CSMD1: variants seen among roughly 807,000 people sequenced by gnomAD.
The protein encoded by CSMD1 is CUB and Sushi multiple domains 1.
CSMD1 carries 213 observed loss-of-function variants against 417.5 expected under a neutral mutation model. The observed-to-expected ratio is 0.51, with a 90% CI of 0.46 to 0.57. CSMD1 has a LOEUF of 0.57. Among genes scored for constraint, CSMD1 ranks in the 20% least tolerant of loss-of-function variants. The pLI is 0.00. For missense variants in CSMD1, 6,923 were observed against 4,529.7 expected (o/e 1.53, Z -15.17); for synonymous variants, 2,862 against 1,736.8 (o/e 1.65, Z -16.11).
At chr8:4,818,815 C>T (rs1433388196) in intron 1 of CSMD1, among the ~76,000 whole-genome samples, 2 of 152,146 alleles carry the variant, frequency 1.3e-5, no homozygotes, top group Non-Finnish European at 2.9e-5. Flanking sequence ...TCATTAGAGA[C>T]TCACCATGGA....
intron 12 of CSMD1, among the ~76,000 whole-genome samples, chr8:3,440,743 T>G (rs1814921633): frequency 6.6e-6 from 1 of 152,222 alleles, no homozygotes; most frequent in African/African-American, 2.4e-5. Flanking sequence ...TAACATCCAG[T>G]CTTTCATCAG....
At chr8:3,814,734 G>C (rs899639006) in intron 5 of CSMD1, among the ~76,000 whole-genome samples, 2 of 152,102 alleles carry the variant, frequency 1.3e-5, no homozygotes, top group Non-Finnish European at 2.9e-5. Flanking sequence ...TCTTAACTTA[G>C]GTATGAATCC....
intron 5 of CSMD1, among the ~76,000 whole-genome samples, chr8:3,861,880 T>C (rs1250159624): frequency 6.6e-6 from 1 of 152,166 alleles, no homozygotes; most frequent in Non-Finnish European, 1.5e-5. Flanking sequence ...AAACCCACAG[T>C]GGAAGTCATA....
intron 23 of CSMD1, among the ~76,000 whole-genome samples, chr8:3,313,748 G>A (rs972505941): frequency 6.6e-6 from 1 of 152,132 alleles, no homozygotes; most frequent in Non-Finnish European, 1.5e-5. Context: ...AATACCATTT[G>A]ACCCAGCCAT....
chr8:4,707,886 CAA>C (rs552510236), intron 1 of CSMD1, among the ~76,000 whole-genome samples: 12 of 100,826 alleles, frequency 1.2e-4, no homozygotes, highest in Non-Finnish European at 1.6e-4. Context: ...GACTTTGTTT[CAA>C]AAAAAAAAAA....
chr8:4,865,384 T>C (rs547799034), intron 1 of CSMD1, among the ~76,000 whole-genome samples: 1 of 152,054 alleles, frequency 6.6e-6, no homozygotes, highest in South Asian at 2.1e-4. Context: ...TTTCTGCCTA[T>C]AACTGATGAC....
intron 25 of CSMD1, among the ~76,000 whole-genome samples, chr8:3,294,196 C>A (rs371195838): frequency 6.6e-6 from 1 of 151,784 alleles, no homozygotes; most frequent in African/African-American, 2.4e-5. Flanking sequence ...AGTTTTGTCT[C>A]AGAGTACCAG....
chr8:4,070,946 T>C (rs1026981937), intron 3 of CSMD1, among the ~76,000 whole-genome samples: 2 of 152,230 alleles, frequency 1.3e-5, no homozygotes, highest in African/African-American at 4.8e-5. Flanking sequence ...TCCATGGTGT[T>C]TGATGTAAAA....
chr8:4,648,896 C>A (rs1803706234), intron 1 of CSMD1, among the ~76,000 whole-genome samples: 1 of 152,188 alleles, frequency 6.6e-6, no homozygotes, highest in Admixed American at 6.5e-5. Context: ...TAAGAGTGTG[C>A]TTCCGCATAT....
At chr8:4,652,748 G>C (rs1315883714) in intron 1 of CSMD1, among the ~76,000 whole-genome samples, 1 of 152,114 alleles carries the variant, frequency 6.6e-6, no homozygotes, top group Non-Finnish European at 1.5e-5. Flanking sequence ...CAGGCTTTTT[G>C]GCACCAGGGC....
intron 7 of CSMD1, among the ~76,000 whole-genome samples, chr8:3,677,119 T>C (rs965961499): frequency 1.3e-5 from 2 of 152,060 alleles, no homozygotes; most frequent in Admixed American, 1.3e-4. Context: ...TGTAGTTCTA[T>C]GTAACAAGCC....
chr8:4,441,947 G>C (rs1798507280), intron 2 of CSMD1, among the ~76,000 whole-genome samples: 1 of 152,130 alleles, frequency 6.6e-6, no homozygotes, highest in Non-Finnish European at 1.5e-5. Flanking sequence ...CCATTGTACT[G>C]AGAAACTCAG....
At chr8:4,614,844 A>T (rs1446479930) in intron 2 of CSMD1, among the ~76,000 whole-genome samples, 1 of 152,224 alleles carries the variant, frequency 6.6e-6, no homozygotes, top group Non-Finnish European at 1.5e-5. Flanking sequence ...TTTAAAAATG[A>T]ATAATATGAA....
chr8:4,456,647 G>A (rs988080760), intron 2 of CSMD1, among the ~76,000 whole-genome samples: 3 of 152,152 alleles, frequency 2.0e-5, no homozygotes, highest in African/African-American at 7.2e-5. Context: ...CAGTATGGCA[G>A]AGAGACCCTC....
At chr8:3,419,500 A>C (rs1813355857) in intron 12 of CSMD1, among the ~76,000 whole-genome samples, 1 of 152,238 alleles carries the variant, frequency 6.6e-6, no homozygotes, top group Non-Finnish European at 1.5e-5. Context: ...ATTTTTAATA[A>C]AAACTCTATG....
chr8:4,291,083 T>C (rs1272899244), intron 3 of CSMD1, among the ~76,000 whole-genome samples: 1 of 152,200 alleles, frequency 6.6e-6, no homozygotes, highest in Non-Finnish European at 1.5e-5. Flanking sequence ...TCCTGTTTTA[T>C]TTTGTGTAAT....
In CSMD1 at chr8:3,090,397, T is replaced by A. The variant is rs7013012; in HGVS notation, c.7285+1119A>T. Among the ~76,000 whole-genome samples the A allele has an allele frequency of 6.6e-5, 10 of 151,170 alleles. No individual in the cohort carries two copies. The East Asian group carries it at 2.0e-3, about 30-fold the overall frequency. On this transcript the variant is annotated intron_variant, in intron 48 of 69. Coordinates refer to ENST00000635120, the MANE Select transcript of CSMD1 (RefSeq NM_033225.6). ...AGTTTGCTGAATGCAAATCCCATCATTGCATCGATGTCTTTGCAGCAAAGG... is the reference window on the plus strand; with the variant it reads ...AGTTTGCTGAATGCAAATCCCATCAATGCATCGATGTCTTTGCAGCAAAGG...
At chr8:3,983,426 G>A (rs1015185750) in intron 5 of CSMD1, among the ~76,000 whole-genome samples, 6 of 151,886 alleles carry the variant, frequency 4.0e-5, no homozygotes, top group East Asian at 3.9e-4. Context: ...CACCGCGCCC[G>A]GCCGCAGCCT....
chr8:4,935,897 C>T (rs1807586989), intron 1 of CSMD1, among the ~76,000 whole-genome samples: 1 of 152,204 alleles, frequency 6.6e-6, no homozygotes, highest in Non-Finnish European at 1.5e-5. Context: ...GGGCTGTCTT[C>T]CTCCCCAGCA....
Sources: allele counts gnomAD v4.1 joint callset (sites outside exome capture counted in the v4.1 genomes callset), GRCh38; gene constraint gnomAD v4.1.1; transcripts MANE v1.5; gene names NCBI Gene and HGNC (gene_info 2026-07-23, HGNC 2026-07-21).